The following HECW2 variants were observed in gnomAD, a reference collection of about 807,000 sequenced individuals.
HECW2 encodes the protein HECT, C2 and WW domain containing E3 ubiquitin protein ligase 2.
HECW2 carries 61 observed loss-of-function variants against 175.2 expected under a neutral mutation model. That is an observed-to-expected ratio of 0.35 (90% confidence interval 0.28 to 0.43). HECW2 has a LOEUF of 0.43. Ranked by LOEUF, HECW2 falls within the 20% of genes least tolerant of loss-of-function variation. The pLI is 1.00. For missense variants in HECW2, 1,524 were observed against 2,000.5 expected, an observed-to-expected ratio of 0.76 and a Z score of 4.54; for synonymous variants, 671 against 731.0, an observed-to-expected ratio of 0.92 and a Z score of 1.32.
chr2:196,218,138 A>G (rs1687541423), intron 26 of HECW2: 1 of 152,374 alleles, frequency 6.6e-6, no homozygotes, highest in Admixed American at 6.5e-5. Context: ...TCTCATCTAC[A>G]AAAGAAGTGC....
chr2:196,357,586 T>C (rs1178733145), intron 2 of HECW2, among the ~76,000 whole-genome samples: 1 of 152,220 alleles, frequency 6.6e-6, no homozygotes, highest in East Asian at 1.9e-4. Context: ...AAACCTTTAT[T>C]CACCAACAAA....
At chr2:196,342,400 G>A (rs553096393) in intron 3 of HECW2, among the ~76,000 whole-genome samples, 8 of 136,104 alleles carry the variant, frequency 5.9e-5, no homozygotes, top group African/African-American at 1.4e-4. Flanking sequence ...GCTAAACTCC[G>A]TTTCAAGAAA....
chr2:196,253,967 C>T lies in HECW2; in HGVS notation c.3482G>A (p.Cys1161Tyr), dbSNP rs1206262075. 1 of 1,613,944 alleles carries T rather than the reference C, an allele frequency of 6.2e-7. No homozygotes were observed. Among genetic ancestry groups the T allele is most frequent in the African/African-American group, 1.3e-5 (1 of 74,908 alleles). The change falls in exon 19 of 29, where the codon TGT (cysteine) becomes TAT (tyrosine). Residue 1161 changes from cysteine to tyrosine, a missense_variant. Physicochemically the swap from Cys to Tyr is radical, Grantham distance 194 (BLOSUM62 -2). Transcript: ENST00000644978. Reference sequence around the variant, plus strand: ...CACGGGAGAGCCACGTGGGGACTGACAGTAGCTGGGGTGGAGTAAGGCATG... The same window carrying T: ...CACGGGAGAGCCACGTGGGGACTGATAGTAGCTGGGGTGGAGTAAGGCATG... ...PPHALLHPSY[C>Y]QSPRGSPVSS...
At chr2:196,259,200 C>T (rs1689184489) in intron 17 of HECW2, among the ~76,000 whole-genome samples, 1 of 152,196 alleles carries the variant, frequency 6.6e-6, no homozygotes, top group Admixed American at 6.5e-5. Context: ...TCTCAAACTC[C>T]TGGCCTCATG....
At chr2:196,216,901 A>G in intron 27 of HECW2, 107 bp downstream of exon 27, 1 of 714,028 alleles carries the variant, frequency 1.4e-6, no homozygotes, top group Non-Finnish European at 2.2e-6. Flanking sequence ...ATATTTCCAG[A>G]TACACATGGT....
At chr2:196,499,067 C>T (rs1687491449) in intron 1 of HECW2, among the ~76,000 whole-genome samples, 1 of 152,094 alleles carries the variant, frequency 6.6e-6, no homozygotes, top group Admixed American at 6.5e-5. Context: ...AAAACCCTAG[C>T]CTCAAAATTC....
At chr2:196,521,833 T>C (rs771852101) in intron 1 of HECW2, among the ~76,000 whole-genome samples, 1 of 149,130 alleles carries the variant, frequency 6.7e-6, no homozygotes, top group Non-Finnish European at 1.5e-5. Flanking sequence ...TATGGCTGCA[T>C]AGTATTCCAT....
At chr2:196,502,555 G>A (rs1376105836) in intron 1 of HECW2, among the ~76,000 whole-genome samples, 2 of 152,192 alleles carry the variant, frequency 1.3e-5, no homozygotes, top group Non-Finnish European at 2.9e-5. Flanking sequence ...ACACTCCAAT[G>A]TGACTGATTA....
chr2:196,436,605 T>G (rs1034149404), intron 1 of HECW2, among the ~76,000 whole-genome samples: 2 of 152,128 alleles, frequency 1.3e-5, no homozygotes, highest in Admixed American at 6.5e-5. Flanking sequence ...ACATAATACA[T>G]ATTTGTTTTC....
At chr2:196,574,780 A>T (rs1690504095) in intron 1 of HECW2, among the ~76,000 whole-genome samples, 1 of 152,210 alleles carries the variant, frequency 6.6e-6, no homozygotes, top group Non-Finnish European at 1.5e-5. Flanking sequence ...AAAACATATT[A>T]CCAAGTTACA....
At chr2:196,520,955 A>C (rs1688346956) in intron 1 of HECW2, among the ~76,000 whole-genome samples, 1 of 152,242 alleles carries the variant, frequency 6.6e-6, no homozygotes, top group Non-Finnish European at 1.5e-5. Context: ...TTTAGGATTT[A>C]TAGAAGAAAG....
intron 1 of HECW2, among the ~76,000 whole-genome samples, chr2:196,464,928 G>A (rs1696891034): frequency 6.6e-6 from 1 of 152,120 alleles, no homozygotes. Context: ...TATAATCCCA[G>A]CTACTCAGGA....
intron 23 of HECW2, among the ~76,000 whole-genome samples, chr2:196,223,251 T>G (rs775597348): frequency 9.9e-5 from 15 of 152,194 alleles, no homozygotes; most frequent in Non-Finnish European, 1.9e-4. Context: ...CACTTAAAAT[T>G]CATGTACTTT....
intron 25 of HECW2, among the ~76,000 whole-genome samples, 176 bp downstream of exon 25, chr2:196,220,619 G>A (rs1303264986): frequency 1.3e-5 from 2 of 152,176 alleles, no homozygotes; most frequent in Non-Finnish European, 2.9e-5. Flanking sequence ...TCGTAACAGT[G>A]AGTTAAGCTT....
intron 14 of HECW2, among the ~76,000 whole-genome samples, chr2:196,287,625 G>A (rs1690442482): frequency 6.6e-6 from 1 of 152,122 alleles, no homozygotes; most frequent in African/African-American, 2.4e-5. Flanking sequence ...TCACGGTTTT[G>A]TTTTCTCATT....
At chr2:196,230,471 A>T (rs1688010622) in intron 21 of HECW2, among the ~76,000 whole-genome samples, 1 of 152,142 alleles carries the variant, frequency 6.6e-6, no homozygotes, top group Non-Finnish European at 1.5e-5. Context: ...AGCAGTTTCC[A>T]TCTCCTGGTC....
intron 1 of HECW2, among the ~76,000 whole-genome samples, chr2:196,521,282 C>CAAAAAAAAAAAAAAAAAAA (rs1158051512): frequency 5.6e-4 from 30 of 53,684 alleles, no homozygotes; most frequent in African/African-American, 6.3e-4. Flanking sequence ...ACGTGAGTAA[C>CAAAAAAAAAAAAAAAAAAA]AAAAAAAAAA....
intron 1 of HECW2, among the ~76,000 whole-genome samples, chr2:196,473,095 G>A (rs759273742): frequency 1.1e-4 from 16 of 152,120 alleles, no homozygotes; most frequent in South Asian, 4.1e-4. Context: ...GCAATTGATC[G>A]TGACCAGAAG....
chr2:196,206,124 G>T (rs543318791), intron 28 of HECW2, among the ~76,000 whole-genome samples: 1 of 152,320 alleles, frequency 6.6e-6, no homozygotes, highest in East Asian at 1.9e-4. Flanking sequence ...CTGTGTTGAT[G>T]TTGGCAGCAA....
Sources: allele counts gnomAD v4.1 joint callset (sites outside exome capture counted in the v4.1 genomes callset), GRCh38; gene constraint gnomAD v4.1.1; transcripts MANE v1.5; gene names NCBI Gene and HGNC (gene_info 2026-07-23, HGNC 2026-07-21).